The following DHX37 variants were observed in gnomAD, a reference collection of about 807,000 sequenced individuals.
The protein encoded by DHX37 is probable ATP-dependent RNA helicase DHX37.
DHX37 carries 52 observed loss-of-function variants against 134.3 expected under a neutral mutation model. That is an observed-to-expected ratio of 0.39 (90% CI 0.31 to 0.49). DHX37 has a LOEUF of 0.49. Among genes scored for constraint, DHX37 ranks in the 20% least tolerant of loss-of-function variants. The pLI is 0.93. For synonymous variants in DHX37, 634 were observed against 670.7 expected (o/e 0.95, Z 0.85); for missense variants, 1,344 against 1,580.8 (o/e 0.85, Z 2.54).
Position 124,961,889 on chromosome 12 carries a change from T to A in DHX37, c.2046-1466A>T, listed in dbSNP as rs528846826. Among the ~76,000 whole-genome samples the A allele has an allele frequency of 4.6e-5, 7 of 152,054 alleles. No homozygotes were observed. The South Asian group carries it at 1.0e-3, about 23-fold the overall frequency. Reference sequence around the variant, plus strand: ...AGGGAAACATAAACCGAATCCACAATATGATACCACTTCACATCCACTAGG... The same window carrying A: ...AGGGAAACATAAACCGAATCCACAAAATGATACCACTTCACATCCACTAGG... On this transcript the variant is annotated intron_variant, in intron 15 of 26. Coordinates refer to ENST00000308736, the MANE Select transcript of DHX37 (RefSeq NM_032656.4).
chr12:124,954,685 A>T (rs1053351525), intron 18 of DHX37, among the ~76,000 whole-genome samples: 1 of 152,168 alleles, frequency 6.6e-6, no homozygotes, highest in African/African-American at 2.4e-5. Context: ...GGCATGAGCC[A>T]CCGTGCCCGG....
At chr12:124,971,968 G>A (rs559655084) in intron 7 of DHX37, among the ~76,000 whole-genome samples, 20 of 152,352 alleles carry the variant, frequency 1.3e-4, no homozygotes, top group Non-Finnish European at 2.6e-4. Flanking sequence ...TCCTTGGGAC[G>A]CAGCTTCTGA....
intron 20 of DHX37, 131 bp downstream of exon 20, chr12:124,953,749 A>C (rs1954022682): frequency 1.4e-6 from 2 of 1,395,962 alleles, no homozygotes; most frequent in African/African-American, 2.9e-5. Flanking sequence ...GTATTGATTT[A>C]GGGTTATAAA....
At chr12:124,985,402 A>C (rs1954847028) in intron 2 of DHX37, among the ~76,000 whole-genome samples, 1 of 152,100 alleles carries the variant, frequency 6.6e-6, no homozygotes, top group African/African-American at 2.4e-5. Flanking sequence ...TTCCCTTGCA[A>C]ATGTTTGAAT....
chr12:124,982,667 C>T, intron 2 of DHX37, 44 bp from the exon 3 acceptor site: 1 of 1,599,164 alleles, frequency 6.3e-7, no homozygotes. Context: ...CATCACGACC[C>T]TCTCTTAAGA....
chr12:124,966,936 A>G (rs1246482692), intron 11 of DHX37, 58 bp from the exon 12 acceptor site: 5 of 1,605,358 alleles, frequency 3.1e-6, no homozygotes, highest in South Asian at 1.1e-5. Flanking sequence ...TCGCCAGCAC[A>G]CTGCCCTTTG....
At position 124,989,028 on chromosome 12, in the gene DHX37, C is replaced by T. The variant is rs1954929457; in HGVS notation, c.-6G>A. 1.5e-6 allele frequency: 2 copies of T among 1,364,882 alleles called. No homozygotes were observed. Among genetic ancestry groups the T allele is most frequent in the Non-Finnish European group, 1.9e-6 (2 of 1,051,720 alleles). The allele number at this position is 1,364,882 out of a possible 1,614,324, so 84.5% of individuals were successfully genotyped here. A position where few individuals can be genotyped will look rare whatever the true frequency, so the allele number is the denominator to read the frequency against. On this transcript the variant is annotated 5_prime_UTR_variant, in exon 1 of 27. Transcript: ENST00000308736. ...CGCCGGCGCAGCTTCCCCATGGCGA[C>T]TAGGCCAGGGTGGGCGCTCCAGCGG... is the stretch of plus-strand genomic sequence containing the variant.
At chr12:124,959,822 C>G (rs1426575943) in intron 16 of DHX37, among the ~76,000 whole-genome samples, 1 of 152,198 alleles carries the variant, frequency 6.6e-6, no homozygotes, top group Non-Finnish European at 1.5e-5. Flanking sequence ...GATGTGTGTC[C>G]CTGGACAAAA....
Position 124,950,798 on chromosome 12 carries a change from G to T in DHX37, c.2875C>A (p.Leu959Ile). The change falls in exon 22 of 27, where the codon CTC becomes ATC. Residue 959 changes from leucine (L) to isoleucine (I), a missense_variant. Around this residue, in one of 7 missense-constraint regions of DHX37, gnomAD observed 558 missense variants for 650.0 expected, o/e 0.86. Coordinates refer to ENST00000308736, the MANE Select transcript of DHX37 (RefSeq NM_032656.4). ...DKWRNAYKTP[L>I]LDDPVFIHPS... ...TGGATGAAGACAGGGTCGTCGAGGA[G>T]AGGGGTCTGCAGAGAATGGAGAGTG... 1 of 1,606,476 alleles carries T rather than the reference G, an allele frequency of 6.2e-7. No homozygotes were observed. Among genetic ancestry groups the T allele is most frequent in the South Asian group, 1.1e-5 (1 of 90,088 alleles).
At chr12:124,955,431 G>T (rs1434383540) in intron 18 of DHX37, among the ~76,000 whole-genome samples, 1 of 152,222 alleles carries the variant, frequency 6.6e-6, no homozygotes, top group Non-Finnish European at 1.5e-5. Context: ...TCCCCCAAGG[G>T]ATTCTGACGA....
chr12:124,958,042 C>T (rs962377203), intron 16 of DHX37, among the ~76,000 whole-genome samples: 1 of 152,206 alleles, frequency 6.6e-6, no homozygotes, highest in Admixed American at 6.5e-5. Flanking sequence ...ATGTCCCAAA[C>T]TGGCAAATCC....
At position 124,954,178 on chromosome 12, in the gene DHX37, CAGCCTGGTG is replaced by C; in HGVS notation, c.2478_2486del (p.Thr827_Leu829del). On this transcript the variant is annotated inframe_deletion, in exon 19 of 27. Coordinates refer to ENST00000308736, the MANE Select transcript of DHX37 (RefSeq NM_032656.4). Reference sequence around the variant, plus strand: ...GGGCCACCCGGGCCCGCTTGCTCTTCAGCCTGGTGAGCTCCTCGTCACTGGCCGCTGGTC... The same window carrying C: ...GGGCCACCCGGGCCCGCTTGCTCTTCAGCTCCTCGTCACTGGCCGCTGGTC... The C allele has an allele frequency of 6.2e-7, 1 of 1,610,656 alleles. No individual in the cohort carries two copies. The highest frequency in any genetic ancestry group is 1.7e-4 in the Middle Eastern group (1 of 6,038).
chr12:124,955,317 C>T (rs942775870), intron 18 of DHX37, among the ~76,000 whole-genome samples: 7 of 152,204 alleles, frequency 4.6e-5, no homozygotes, highest in East Asian at 1.9e-4. Flanking sequence ...CTGCTGACTG[C>T]GTGAGCTGGG....
At chr12:124,973,638 C>CTT (rs71092252) in intron 6 of DHX37, among the ~76,000 whole-genome samples, 32,191 of 102,418 alleles carry the variant, frequency 0.31, 7,160 homozygotes, top group Middle Eastern at 0.4. Flanking sequence ...CCCCCCAACG[C>CTT]TTTTTTTTTT....
chr12:124,961,245 C>T (rs11830284), intron 15 of DHX37, among the ~76,000 whole-genome samples: 12 of 138,528 alleles, frequency 8.7e-5, no homozygotes, highest in Non-Finnish European at 1.5e-4. Flanking sequence ...CACATACACG[C>T]GTGCACGCAC....
At chr12:124,965,992 G>A (rs1033374063) in intron 12 of DHX37, among the ~76,000 whole-genome samples, 180 bp from the exon 13 acceptor site, 3 of 152,230 alleles carry the variant, frequency 2.0e-5, no homozygotes, top group Non-Finnish European at 2.9e-5. Flanking sequence ...AAACATTGGG[G>A]ACTATCATAG....
Position 124,949,048 on chromosome 12 carries a change from C to G in DHX37, c.3291-867G>C, listed in dbSNP as rs1484978247. Among the ~76,000 whole-genome samples the G allele has an allele frequency of 2.0e-5, 3 of 152,170 alleles. No individual in the cohort carries two copies. The highest frequency in any genetic ancestry group is 4.4e-5 in the Non-Finnish European group (3 of 68,018). ...TCCTTTGAATCTGCCCAGTGAGGCTCTCCCCGACCAGCCCAGTCGCACTCC... is the reference window on the plus strand; with the variant it reads ...TCCTTTGAATCTGCCCAGTGAGGCTGTCCCCGACCAGCCCAGTCGCACTCC... On this transcript the variant is annotated intron_variant, in intron 25 of 26. Transcript: ENST00000308736. This position sits in a 1 kb window ranked among gnomAD's most constrained non-coding sequence, Gnocchi z 4.0.
chr12:124,961,182 G>GTGCA (rs1954236076), intron 15 of DHX37, among the ~76,000 whole-genome samples: 2 of 31,838 alleles, frequency 6.3e-5, no homozygotes, highest in Admixed American at 4.1e-4. Context: ...GCGCGCATGC[G>GTGCA]CGCACGCACA....
Position 124,947,475 on chromosome 12 carries a change from C to T in DHX37, c.*327G>A, listed in dbSNP as rs1452771147. 1 of 243,940 alleles carries T rather than the reference C, an allele frequency of 4.1e-6. No homozygotes were observed. Among genetic ancestry groups the T allele is most frequent in the African/African-American group, 2.2e-5 (1 of 44,846 alleles). The allele number at this position is 243,940 out of a possible 1,614,324, so 15.1% of individuals were successfully genotyped here. On this transcript the variant is annotated 3_prime_UTR_variant, in exon 27 of 27. Transcript: ENST00000308736. ...TCTGGCAGGGCGGGCGGGGAAGGGA[C>T]TGCAGAGATCTCCAGCCCTGCTGCT...
Sources: gnomAD v4.1 joint callset for allele counts (sites outside exome capture counted in the v4.1 genomes callset) on GRCh38, gnomAD v4.1.1 for gene constraint, gnomAD v4.1.1 regional missense constraint, Gnocchi (gnomAD v3.1) non-coding constraint, MANE v1.5 for transcripts, NCBI Gene and HGNC (gene_info 2026-07-23, HGNC 2026-07-21) for gene names.